SF3A1: variants seen among roughly 807,000 people sequenced by gnomAD.
SF3A1 encodes SAP 114.
In SF3A1, 13 loss-of-function variants were observed where a neutral mutation model predicts 89.9. The observed-to-expected ratio is 0.14, with a 90% CI of 0.09 to 0.23. The LOEUF (loss-of-function observed/expected upper bound fraction) is 0.23, where lower values mean the gene tolerates loss of function less well. Ranked by LOEUF, SF3A1 falls within the 10% of genes least tolerant of loss-of-function variation. The pLI is 1.00. For synonymous variants in SF3A1, 405 were observed against 374.4 expected (o/e 1.08, Z -0.94); for missense variants, 604 against 1,022.1 (o/e 0.59, Z 5.58).
Position 30,342,307 on chromosome 22 carries a change from C to T in SF3A1, c.770G>A (p.Arg257Lys), listed in dbSNP as rs1726939870. The T allele has an allele frequency of 6.2e-7, 1 of 1,613,760 alleles. No individual in the cohort carries two copies. The highest frequency in any genetic ancestry group is 1.3e-5 in the African/African-American group (1 of 74,924). Residue 257 changes from arginine to lysine, a missense_variant, in exon 6 of 16, where the codon AGG becomes AAG. By Grantham distance (26) the Arg-to-Lys change is conservative. Coordinates refer to ENST00000215793, the MANE Select transcript of SF3A1 (RefSeq NM_005877.6). ...CTCCTTCTCCTCTTCTTCCTTCTTCCTCTCACGTTCCTGGAATTTGGCCCA... is the reference window on the plus strand; with the variant it reads ...CTCCTTCTCCTCTTCTTCCTTCTTCTTCTCACGTTCCTGGAATTTGGCCCA... Reference protein sequence around the residue: ...VEWAKFQERERKKEEEEKEKE... With the variant: ...VEWAKFQEREKKKEEEEKEKE...
chr22:30,350,971 T>A (rs1177585715), intron 2 of SF3A1, among the ~76,000 whole-genome samples: 1 of 152,226 alleles, frequency 6.6e-6, no homozygotes, highest in African/African-American at 2.4e-5. Flanking sequence ...CCTTGAAATG[T>A]AATGAGATGA....
chr22:30,338,243 G>A (rs1310304951), intron 11 of SF3A1, among the ~76,000 whole-genome samples: 1 of 152,116 alleles, frequency 6.6e-6, no homozygotes, highest in Non-Finnish European at 1.5e-5. Flanking sequence ...CAGATCACCG[G>A]AGGTCGGGAG....
At chr22:30,355,029 T>C (rs749320624) in intron 1 of SF3A1, among the ~76,000 whole-genome samples, 20 of 152,142 alleles carry the variant, frequency 1.3e-4, no homozygotes, top group Admixed American at 5.2e-4. Flanking sequence ...TAAGATTAAG[T>C]ACTCTTTTTT....
At chr22:30,353,793 G>A (rs996672350) in intron 1 of SF3A1, among the ~76,000 whole-genome samples, 5 of 152,030 alleles carry the variant, frequency 3.3e-5, no homozygotes, top group Admixed American at 1.3e-4. Context: ...TCTTTAATCC[G>A]GTGTCTGAGG....
chr22:30,339,287 G>C (rs770626910), intron 9 of SF3A1, 36 bp from the exon 10 acceptor site: 1 of 1,610,832 alleles, frequency 6.2e-7, no homozygotes, highest in Non-Finnish European at 8.5e-7. Context: ...AGGATAGAAA[G>C]AGAAAATAAA....
chr22:30,335,598 C>T, intron 14 of SF3A1, 54 bp downstream of exon 14: 1 of 1,609,392 alleles, frequency 6.2e-7, no homozygotes, highest in Non-Finnish European at 8.5e-7. Flanking sequence ...GGAAGCTTTC[C>T]CCTGAATGCT....
intron 15 of SF3A1, 141 bp from the exon 16 acceptor site, chr22:30,334,836 C>A: frequency 1.7e-6 from 1 of 584,298 alleles, no homozygotes; most frequent in Non-Finnish European, 3.0e-6. Flanking sequence ...GTGTTGGGGA[C>A]TGGAGGCCTC....
intron 11 of SF3A1, among the ~76,000 whole-genome samples, 179 bp from the exon 12 acceptor site, chr22:30,338,076 G>A (rs879306856): frequency 4.6e-5 from 7 of 152,152 alleles, no homozygotes; most frequent in Non-Finnish European, 1.0e-4. Context: ...GAGCTGCTGA[G>A]AGCCCGAGGA....
chr22:30,347,562 GA>G (rs1569173999), intron 2 of SF3A1, among the ~76,000 whole-genome samples: 1 of 152,020 alleles, frequency 6.6e-6, no homozygotes, highest in African/African-American at 2.4e-5. Flanking sequence ...TCAGGATAAT[GA>G]AAAAATGTCC....
intron 1 of SF3A1, 50 bp from the exon 2 acceptor site, chr22:30,353,122 A>G: frequency 1.2e-6 from 2 of 1,603,044 alleles, no homozygotes; most frequent in African/African-American, 1.3e-5. Flanking sequence ...GGTTCAGAGC[A>G]GGTTCTCCAC....
Position 30,338,797 on chromosome 22 carries a change from G to T in SF3A1, c.1735C>A (p.Pro579Thr), listed in dbSNP as rs1931159258. 1 of 1,614,086 alleles carries T rather than the reference G, an allele frequency of 6.2e-7. No homozygotes were observed. Among genetic ancestry groups the T allele is most frequent in the East Asian group, 2.2e-5 (1 of 44,886 alleles). Residue 579 changes from proline (P) to threonine (T), a missense_variant, in exon 11 of 16, where the codon CCA becomes ACA. Physicochemically the swap from Pro to Thr is conservative, Grantham distance 38. This residue lies in a region of SF3A1 where 85 missense variants were observed against 137.3 expected (regional missense o/e 0.62). Transcript: ENST00000215793. The part of the protein sequence containing the change: ...SAPPITSVPR[P>T]PTMPPPVRTT... ...GGTAGATGCTGGCTTACTGTGGGTG[G>T]TCGGGGCACTGAAGTGATGGGTGGA...
intron 2 of SF3A1, among the ~76,000 whole-genome samples, chr22:30,349,036 C>T (rs543620061): frequency 9.8e-5 from 15 of 152,368 alleles, no homozygotes; most frequent in South Asian, 2.1e-4. Context: ...GATTCTGACT[C>T]AACCCAGCTG....
At chr22:30,338,688 C>A in intron 11 of SF3A1, 101 bp downstream of exon 11, 2 of 1,473,352 alleles carry the variant, frequency 1.4e-6, no homozygotes, top group South Asian at 1.2e-5. Flanking sequence ...CCACCCAACA[C>A]TCAGGCCCCA....
chr22:30,334,530 T>TG lies in SF3A1; in HGVS notation c.*63dup. ...AAAGCCTCAGGGGGGCTCCTGGGTC[T>TG]GGGGCAGGGGGTGGGAGACAGGAGA... On this transcript the variant is annotated 3_prime_UTR_variant, in exon 16 of 16. Coordinates refer to ENST00000215793, the MANE Select transcript of SF3A1 (RefSeq NM_005877.6). 9.6e-7 allele frequency: 1 copy of TG among 1,043,612 alleles called. No individual in the cohort carries two copies. The highest frequency in any genetic ancestry group is 1.6e-5 in the South Asian group (1 of 61,662). The allele number at this position is 1,043,612 out of a possible 1,614,324, so 64.6% of individuals were successfully genotyped here.
At chr22:30,356,563 T>C (rs2145831924) in intron 1 of SF3A1, 167 bp downstream of exon 1, 1 of 476,384 alleles carries the variant, frequency 2.1e-6, no homozygotes, top group East Asian at 3.5e-5. Flanking sequence ...CCGTTCAGGG[T>C]GGCTCATTTC....
rs5753081 is a variant in SF3A1 at position 30,344,664 on chromosome 22, C to T, written c.651+269G>A. On this transcript the variant is annotated intron_variant, in intron 4 of 15. Transcript: ENST00000215793. ...ATGCACTTAAAAGCAGCAAGCACCA[C>T]GTGGCCTTGTCACATAGCAGGCAAT... is the stretch of plus-strand genomic sequence containing the variant. 8.9e-4 allele frequency among the ~76,000 whole-genome samples: 135 copies of T among 152,338 alleles called. 4 individuals carry two copies. In the East Asian group the frequency reaches 0.021, roughly 23 times the overall value.
intron 2 of SF3A1, among the ~76,000 whole-genome samples, chr22:30,348,730 G>A (rs1362142559): frequency 6.6e-6 from 1 of 152,084 alleles, no homozygotes; most frequent in Non-Finnish European, 1.5e-5. Context: ...CTTAAATAAT[G>A]CAAACCACAC....
Position 30,338,909 on chromosome 22 carries a change from A to C in SF3A1, c.1623T>G (p.Thr541=). The part of the protein sequence containing the change: ...KAKGLVPEDD[T]KEKIGPSKPN... ...GCTTGCTGGGGCCAATCTTCTCTTT[A>C]GTGTCATCCTCTGGCACCAGGCCTT... Residue 541 remains threonine, a synonymous_variant, in exon 11 of 16, where the codon ACT becomes ACG. Coordinates refer to ENST00000215793, the MANE Select transcript of SF3A1 (RefSeq NM_005877.6). 1 of 1,614,070 alleles carries C rather than the reference A, an allele frequency of 6.2e-7. No individual in the cohort carries two copies. The highest frequency in any genetic ancestry group is 8.5e-7 in the Non-Finnish European group (1 of 1,180,014).
At chr22:30,338,417 C>T (rs1280417313) in intron 11 of SF3A1, among the ~76,000 whole-genome samples, 2 of 148,736 alleles carry the variant, frequency 1.3e-5, no homozygotes, top group Non-Finnish European at 3.0e-5. Flanking sequence ...AAGATCATGC[C>T]ATTGCACTCC....
Sources: allele counts gnomAD v4.1 joint callset (sites outside exome capture counted in the v4.1 genomes callset), GRCh38; gene constraint gnomAD v4.1.1; regional missense constraint gnomAD v4.1.1; transcripts MANE v1.5; gene names NCBI Gene and HGNC (gene_info 2026-07-23, HGNC 2026-07-21).